LRRC4C: variants seen among roughly 807,000 people sequenced by gnomAD.
LRRC4C encodes leucine-rich repeat-containing protein 4C.
In LRRC4C, 5 loss-of-function variants were observed where a neutral mutation model predicts 33.6. That is an observed-to-expected ratio of 0.15 (90% CI 0.08 to 0.31). The LOEUF (loss-of-function observed/expected upper bound fraction) is 0.31. Among genes scored for constraint, LRRC4C ranks in the 10% least tolerant of loss-of-function variants. The pLI is 1.00. For missense variants in LRRC4C, 560 were observed against 796.7 expected, an observed-to-expected ratio of 0.70 and a Z score of 3.58; for synonymous variants, 329 against 302.0, an observed-to-expected ratio of 1.09 and a Z score of -0.93.
At chr11:40,136,280 T>A (rs1856967066) in intron 6 of LRRC4C, among the ~76,000 whole-genome samples, 1 of 152,004 alleles carries the variant, frequency 6.6e-6, no homozygotes, top group Admixed American at 6.6e-5. Flanking sequence ...TTCTTTTTCT[T>A]TTTGATATGG....
At chr11:41,391,752 A>ATTTT (rs1953606020) in intron 1 of LRRC4C, among the ~76,000 whole-genome samples, 2 of 151,942 alleles carry the variant, frequency 1.3e-5, no homozygotes, top group South Asian at 2.1e-4. Flanking sequence ...AAGTAAACAC[A>ATTTT]TATTTAGATA....
chr11:40,828,005 G>A (rs1952239314), intron 2 of LRRC4C, among the ~76,000 whole-genome samples: 1 of 151,592 alleles, frequency 6.6e-6, no homozygotes, highest in Non-Finnish European at 1.5e-5. Flanking sequence ...CTTCTACATG[G>A]TTAGAAGTCT....
intron 3 of LRRC4C, among the ~76,000 whole-genome samples, chr11:40,588,647 A>G (rs1413970497): frequency 1.3e-5 from 2 of 151,568 alleles, no homozygotes; most frequent in African/African-American, 4.9e-5. Flanking sequence ...CACTGCTTTG[A>G]ATGCGTCCCA....
intron 1 of LRRC4C, among the ~76,000 whole-genome samples, chr11:40,952,103 A>T (rs927210465): frequency 1.3e-5 from 2 of 151,984 alleles, no homozygotes; most frequent in Admixed American, 6.6e-5. Flanking sequence ...TGATGCACAT[A>T]CTGTCCAAGG....
At chr11:40,197,568 AT>A (rs1196458186) in intron 5 of LRRC4C, among the ~76,000 whole-genome samples, 1 of 152,144 alleles carries the variant, frequency 6.6e-6, no homozygotes, top group Non-Finnish European at 1.5e-5. Flanking sequence ...CCCATCGCTA[AT>A]TTTGAGTCAC....
At chr11:40,183,209 T>TC (rs1491519216) in intron 5 of LRRC4C, among the ~76,000 whole-genome samples, 2 of 152,204 alleles carry the variant, frequency 1.3e-5, no homozygotes, top group Non-Finnish European at 2.9e-5. Flanking sequence ...CATTTTTTTT[T>TC]CTCTTTAAAA....
chr11:40,251,791 T>C (rs75891492), intron 4 of LRRC4C, among the ~76,000 whole-genome samples: 2,512 of 152,274 alleles, frequency 0.016, 77 homozygotes, highest in African/African-American at 0.058. Context: ...TTAGGATGCA[T>C]TGACAAGTCA....
intron 1 of LRRC4C, among the ~76,000 whole-genome samples, chr11:41,220,552 ACAC>A (rs1284635996): frequency 4.0e-5 from 6 of 151,192 alleles, no homozygotes; most frequent in African/African-American, 7.3e-5. Context: ...ACACACACAC[ACAC>A]ACACACAATT....
At chr11:40,496,272 T>C (rs1393560999) in intron 3 of LRRC4C, among the ~76,000 whole-genome samples, 4 of 152,134 alleles carry the variant, frequency 2.6e-5, no homozygotes, top group Non-Finnish European at 5.9e-5. Flanking sequence ...CTCTATTAGT[T>C]GTCTTTCATT....
intron 4 of LRRC4C, among the ~76,000 whole-genome samples, chr11:40,286,189 T>G (rs892249400): frequency 6.6e-6 from 1 of 152,176 alleles, no homozygotes; most frequent in African/African-American, 2.4e-5. Flanking sequence ...TGACAAAGTT[T>G]AATTTATGCA....
intron 5 of LRRC4C, among the ~76,000 whole-genome samples, chr11:40,228,613 G>A (rs1001789214): frequency 1.3e-5 from 2 of 152,150 alleles, no homozygotes; most frequent in Non-Finnish European, 2.9e-5. Context: ...TTCCTAAAGC[G>A]CTCCACCATG....
At chr11:41,217,028 T>A (rs1328003393) in intron 1 of LRRC4C, among the ~76,000 whole-genome samples, 1 of 152,186 alleles carries the variant, frequency 6.6e-6, no homozygotes, top group Non-Finnish European at 1.5e-5. Context: ...TTATTCCAGA[T>A]TTTTATCTCT....
chr11:40,448,415 G>T, intron 3 of LRRC4C, among the ~76,000 whole-genome samples: 1 of 150,584 alleles, frequency 6.6e-6, no homozygotes, highest in East Asian at 2.0e-4. Context: ...CCCACCCCCC[G>T]ACAGGCCCTG....
At chr11:40,750,653 T>G (rs1439537999) in intron 2 of LRRC4C, among the ~76,000 whole-genome samples, 53 of 84,418 alleles carry the variant, frequency 6.3e-4, no homozygotes, top group Admixed American at 2.6e-3. Flanking sequence ...GGGACTGTTG[T>G]GGGGTGGGGG....
At position 40,828,964 on chromosome 11, in the gene LRRC4C, T is replaced by C. The variant is rs181081112; in HGVS notation, c.-407+104671A>G. Among the ~76,000 whole-genome samples the C allele has an allele frequency of 2.4e-3, 371 of 152,092 alleles. 2 individuals carry two copies. The highest frequency in any genetic ancestry group is 6.8e-3 in the African/African-American group (282 of 41,550). ...TAAGTAATTTTATCCTTAACACATA[T>C]GCTGCATTTTTCTGGTCTTATTCTG... On this transcript the variant is annotated intron_variant, in intron 2 of 6. Transcript: ENST00000528697.
At chr11:41,116,283 A>G (rs1169432833) in intron 1 of LRRC4C, among the ~76,000 whole-genome samples, 2 of 152,266 alleles carry the variant, frequency 1.3e-5, no homozygotes, top group Middle Eastern at 3.4e-3. Context: ...TTTTTCAGCT[A>G]TAAAATTGAA....
At chr11:40,889,978 A>G (rs979721947) in intron 2 of LRRC4C, among the ~76,000 whole-genome samples, 5 of 152,190 alleles carry the variant, frequency 3.3e-5, no homozygotes, top group Admixed American at 2.0e-4. Context: ...TCCTCAATTT[A>G]TGACCAAAAG....
intron 3 of LRRC4C, among the ~76,000 whole-genome samples, chr11:40,523,510 GT>G (rs1254593956): frequency 5.3e-5 from 8 of 149,666 alleles, no homozygotes; most frequent in African/African-American, 2.0e-4. Context: ...TATGTTAATC[GT>G]TATGCCATAG....
intron 1 of LRRC4C, among the ~76,000 whole-genome samples, chr11:40,965,198 C>T (rs1472821183): frequency 1.3e-5 from 2 of 152,142 alleles, no homozygotes; most frequent in Non-Finnish European, 2.9e-5. Context: ...ATATCCTTCG[C>T]CCACTTTTTG....
Sources: gnomAD v4.1 joint callset for allele counts (sites outside exome capture counted in the v4.1 genomes callset) on GRCh38, gnomAD v4.1.1 for gene constraint, MANE v1.5 for transcripts, NCBI Gene and HGNC (gene_info 2026-07-23, HGNC 2026-07-21) for gene names.